Variants in FAM163B observed in about 807,000 individuals in gnomAD.
The protein encoded by FAM163B is family with sequence similarity 163 member B, also known as protein FAM163B.
A neutral mutation model predicts 7.6 loss-of-function variants in FAM163B; 4 were observed. That is an observed-to-expected ratio of 0.52 (90% CI 0.26 to 1.20). The LOEUF is 1.20. FAM163B is among the 50% of genes most tolerant of loss of function. FAM163B has a pLI of 0.14. For missense variants in FAM163B, 250 were observed against 243.0 expected (o/e 1.03, Z -0.19); for synonymous variants, 120 against 111.6 (o/e 1.07, Z -0.47).
intron 1 of FAM163B, among the ~76,000 whole-genome samples, chr9:133,583,865 G>A (rs1317335134): frequency 6.6e-6 from 1 of 152,230 alleles, no homozygotes; most frequent in Admixed American, 6.5e-5. Context: ...CGCCCGAGAC[G>A]GCGCCAGGTC....
intron 1 of FAM163B, among the ~76,000 whole-genome samples, chr9:133,603,279 A>G (rs1001740803): frequency 6.6e-6 from 1 of 152,170 alleles, no homozygotes; most frequent in Non-Finnish European, 1.5e-5. Context: ...CTGTGGGTCC[A>G]ATGCATACCC....
intron 1 of FAM163B, among the ~76,000 whole-genome samples, chr9:133,586,451 G>A (rs1013430764): frequency 6.6e-6 from 1 of 152,326 alleles, no homozygotes; most frequent in South Asian, 2.1e-4. Flanking sequence ...TGCCCCCGTG[G>A]TTGCCTGGAT....
intron 1 of FAM163B, among the ~76,000 whole-genome samples, chr9:133,604,835 G>A (rs1033619796): frequency 6.6e-6 from 1 of 152,200 alleles, no homozygotes; most frequent in East Asian, 1.9e-4. Context: ...ATAAGGTAGT[G>A]CAGCCAGATA....
In FAM163B at chr9:133,578,396, C is replaced by A. The variant is rs1831286459; in HGVS notation, c.*626G>T. The A allele has an allele frequency of 6.6e-6, 1 of 152,332 alleles. No homozygotes were observed. The highest frequency in any genetic ancestry group is 1.5e-5 in the Non-Finnish European group (1 of 68,146). 9.4% of individuals were successfully genotyped at this position (152,332 alleles called of 1,614,324 possible). ...CCCTGAAAGTCTCCCTTCTAGGGGG[C>A]AGCTGGTCCATCTTCAGGGAGCTCA... is the stretch of plus-strand genomic sequence containing the variant. On this transcript the variant is annotated 3_prime_UTR_variant, in exon 3 of 3. Coordinates refer to ENST00000673969, the MANE Select transcript of FAM163B (RefSeq NM_001080515.3).
chr9:133,602,086 C>G (rs1347609542), intron 1 of FAM163B, among the ~76,000 whole-genome samples: 1 of 151,850 alleles, frequency 6.6e-6, no homozygotes, highest in Non-Finnish European at 1.5e-5. Flanking sequence ...CCCGCCCCCC[C>G]AAACACACAC....
chr9:133,589,551 A>G (rs1564193115), intron 1 of FAM163B, among the ~76,000 whole-genome samples: 1 of 152,260 alleles, frequency 6.6e-6, no homozygotes, highest in South Asian at 2.1e-4. Flanking sequence ...CCTTCCCTGC[A>G]TCAGACCTAA....
chr9:133,602,526 C>T (rs3025328), intron 1 of FAM163B, among the ~76,000 whole-genome samples: 14,392 of 152,094 alleles, frequency 0.095, 959 homozygotes, highest in African/African-American at 0.19. Flanking sequence ...GGGCCAGCAG[C>T]GAACAGGACG....
chr9:133,589,430 G>A (rs937099880), intron 1 of FAM163B, among the ~76,000 whole-genome samples: 4 of 152,250 alleles, frequency 2.6e-5, no homozygotes, highest in African/African-American at 9.6e-5. Flanking sequence ...CACATGGTGA[G>A]GGGTGAGGGC....
chr9:133,607,591 C>T, intron 1 of FAM163B, among the ~76,000 whole-genome samples: 1 of 152,220 alleles, frequency 6.6e-6, no homozygotes, highest in Non-Finnish European at 1.5e-5. Flanking sequence ...CCTTCCCAGA[C>T]CCCCAGATCC....
intron 1 of FAM163B, among the ~76,000 whole-genome samples, chr9:133,582,152 G>A (rs929644128): frequency 4.2e-4 from 63 of 149,734 alleles, no homozygotes; most frequent in African/African-American, 1.5e-3. Context: ...TGTGTGTGCC[G>A]AGAGGACGGA....
intron 1 of FAM163B, among the ~76,000 whole-genome samples, chr9:133,591,702 C>T (rs1831555368): frequency 6.6e-6 from 1 of 152,178 alleles, no homozygotes; most frequent in Non-Finnish European, 1.5e-5. Context: ...GGGGAGCACA[C>T]TGGGGGAGCA....
At chr9:133,605,425 G>C (rs941318691) in intron 1 of FAM163B, among the ~76,000 whole-genome samples, 1 of 152,172 alleles carries the variant, frequency 6.6e-6, no homozygotes, top group Non-Finnish European at 1.5e-5. Context: ...CTGGGAGCCT[G>C]GTTTGTTTTG....
In FAM163B at chr9:133,582,964, C is replaced by T. The variant is rs753769899; in HGVS notation, c.-23-2718G>A. ...GCTGTTGTGGTCCTGACTCAGGTGCCGATCCCTCCCCGACACCTGCAGAGT... is the reference window on the plus strand; with the variant it reads ...GCTGTTGTGGTCCTGACTCAGGTGCTGATCCCTCCCCGACACCTGCAGAGT... On this transcript the variant is annotated intron_variant, in intron 1 of 2. Coordinates refer to ENST00000673969, the MANE Select transcript of FAM163B (RefSeq NM_001080515.3). Among the ~76,000 whole-genome samples the T allele has an allele frequency of 1.0e-2, 1,516 of 152,298 alleles. 17 individuals carry two copies. Among genetic ancestry groups the T allele is most frequent in the Non-Finnish European group, 0.012 (809 of 68,018 alleles).
chr9:133,585,166 T>G (rs1175122440), intron 1 of FAM163B, among the ~76,000 whole-genome samples: 1 of 152,162 alleles, frequency 6.6e-6, no homozygotes, highest in Non-Finnish European at 1.5e-5. Context: ...CAGCTGCGTT[T>G]ACAAGCTTCA....
chr9:133,607,288 C>T (rs1009799218), intron 1 of FAM163B, among the ~76,000 whole-genome samples: 10 of 152,174 alleles, frequency 6.6e-5, no homozygotes, highest in African/African-American at 2.4e-4. Flanking sequence ...GGACAGAACT[C>T]GAGTCCCGAC....
intron 1 of FAM163B, among the ~76,000 whole-genome samples, chr9:133,582,887 A>C (rs996087514): frequency 1.1e-4 from 17 of 152,178 alleles, no homozygotes; most frequent in Non-Finnish European, 1.9e-4. Flanking sequence ...GGAGAGTCAG[A>C]AGGCGCTGGT....
chr9:133,593,038 G>A (rs953642031), intron 1 of FAM163B, among the ~76,000 whole-genome samples: 4 of 152,244 alleles, frequency 2.6e-5, no homozygotes, highest in African/African-American at 2.4e-5. Context: ...AACACGGAAC[G>A]CGTGTGAGTG....
chr9:133,584,211 C>A (rs1831399027), intron 1 of FAM163B, among the ~76,000 whole-genome samples: 1 of 152,138 alleles, frequency 6.6e-6, no homozygotes. Flanking sequence ...AGAATATGGA[C>A]CACCTGCTGC....
intron 1 of FAM163B, among the ~76,000 whole-genome samples, chr9:133,598,713 G>A (rs1404741899): frequency 6.6e-6 from 1 of 152,180 alleles, no homozygotes; most frequent in African/African-American, 2.4e-5. Context: ...TTTTGGCTGA[G>A]TTTTTGGGTC....
Sources: gnomAD v4.1 joint callset for allele counts (sites outside exome capture counted in the v4.1 genomes callset) on GRCh38, gnomAD v4.1.1 for gene constraint, MANE v1.5 for transcripts, NCBI Gene and HGNC (gene_info 2026-07-23, HGNC 2026-07-21) for gene names.